RNPS1: variants seen among roughly 807,000 people sequenced by gnomAD.
RNPS1 encodes the protein RNA-binding protein with serine-rich domain 1.
For missense variants in RNPS1, 300 were observed against 427.6 expected, an observed-to-expected ratio of 0.70 and a Z score of 2.63; for synonymous variants, 147 against 150.0, an observed-to-expected ratio of 0.98 and a Z score of 0.15.
At chr16:2,262,484 G>C in intron 5 of RNPS1, 53 bp from the exon 6 acceptor site, 1 of 1,594,076 alleles carries the variant, frequency 6.3e-7, no homozygotes, top group African/African-American at 1.3e-5. Context: ...AGTCACGTCA[G>C]ACGCAGAGAG....
chr16:2,254,032 G>A lies in RNPS1; in HGVS notation c.850C>T (p.Arg284Cys), dbSNP rs771772827. The stretch of plus-strand genomic sequence containing the variant: ...CGGCCCGGGGACCGTGATCTCCGGC[G>A]CACGGGGGACCTGCGCCTCGGGGAG... ...SRSPRRRSPVRRRSRSPGRRR... is the reference protein window; with the variant it reads ...SRSPRRRSPVCRRSRSPGRRR... The change falls in exon 8 of 8, where the codon CGC becomes TGC. Residue 284 changes from arginine to cysteine, a missense_variant. Coordinates refer to ENST00000320225, the MANE Select transcript of RNPS1 (RefSeq NM_080594.4). 10 of 1,508,728 alleles carry A rather than the reference G, an allele frequency of 6.6e-6. No homozygotes were observed. The highest frequency in any genetic ancestry group is 5.2e-5 in the South Asian group (4 of 77,410). 93.5% of individuals were successfully genotyped at this position (1,508,728 alleles called of 1,614,324 possible).
At chr16:2,254,149 C>T in intron 7 of RNPS1, 86 bp from the exon 8 acceptor site, 1 of 1,007,274 alleles carries the variant, frequency 9.9e-7, no homozygotes, top group South Asian at 1.8e-5. Flanking sequence ...CATAGTTTTA[C>T]TTTTTGAGAT....
Position 2,268,082 on chromosome 16 carries a change from G to A in RNPS1, c.-145C>T, listed in dbSNP as rs1567331569. 9.1e-6 allele frequency: 14 copies of A among 1,535,422 alleles called. No homozygotes were observed. The highest frequency in any genetic ancestry group is 1.2e-5 in the Non-Finnish European group (14 of 1,146,638). On this transcript the variant is annotated 5_prime_UTR_variant, in exon 1 of 8. Transcript: ENST00000320225. Reference sequence around the variant, plus strand: ...CTTCCCGCCGCCGCCACCTCCTCCTGCTTTCCTCAGCCGCCGAGGCCGGCG... The same window carrying A: ...CTTCCCGCCGCCGCCACCTCCTCCTACTTTCCTCAGCCGCCGAGGCCGGCG...
At chr16:2,263,959 G>A (rs952129658) in intron 3 of RNPS1, 26 of 515,650 alleles carry the variant, frequency 5.0e-5, no homozygotes, top group Middle Eastern at 1.0e-3. Flanking sequence ...TGAACTCCAG[G>A]CCCCAAGCAA....
intron 7 of RNPS1, among the ~76,000 whole-genome samples, chr16:2,254,460 ATTTTG>A (rs1212716731): frequency 1.3e-5 from 2 of 151,848 alleles, no homozygotes; most frequent in African/African-American, 4.8e-5. Flanking sequence ...CGCACAGCTA[ATTTTG>A]TTTTGTTTTT....
intron 1 of RNPS1, chr16:2,267,401 C>A: frequency 1.0e-6 from 1 of 983,498 alleles, no homozygotes; most frequent in African/African-American, 1.7e-5. Context: ...ACAAACTTAA[C>A]CTTCCCGTAT....
intron 5 of RNPS1, 116 bp from the exon 6 acceptor site, chr16:2,262,547 G>T: frequency 8.8e-7 from 1 of 1,135,642 alleles, no homozygotes; most frequent in Non-Finnish European, 1.3e-6. Flanking sequence ...CATCTGATGA[G>T]TACCAGTGTT....
intron 6 of RNPS1, 66 bp downstream of exon 6, chr16:2,262,212 C>T: frequency 6.7e-7 from 1 of 1,488,302 alleles, no homozygotes; most frequent in Non-Finnish European, 9.2e-7. Context: ...AGTTGGAAAT[C>T]AGTTTGAAAG....
intron 6 of RNPS1, among the ~76,000 whole-genome samples, chr16:2,259,884 G>A (rs1220405555): frequency 4.6e-5 from 7 of 152,018 alleles, no homozygotes; most frequent in Non-Finnish European, 1.0e-4. Flanking sequence ...GCGAGACTCC[G>A]TCTCAAAAAA....
intron 6 of RNPS1, chr16:2,257,842 G>C (rs972384185): frequency 6.6e-6 from 1 of 152,272 alleles, no homozygotes; most frequent in African/African-American, 2.4e-5. Context: ...TATACAGTTT[G>C]TAACAGGGCC....
chr16:2,264,022 T>G (rs147184621), intron 3 of RNPS1, 154 bp downstream of exon 3: 1 of 888,598 alleles, frequency 1.1e-6, no homozygotes, highest in Non-Finnish European at 1.7e-6. Flanking sequence ...GAGCCACCAC[T>G]GCACCTAGCC....
chr16:2,261,674 A>G (rs2093603595), intron 6 of RNPS1, among the ~76,000 whole-genome samples: 2 of 152,232 alleles, frequency 1.3e-5, no homozygotes, highest in African/African-American at 4.8e-5. Flanking sequence ...AAGCCCACCA[A>G]AAGTTTAGCT....
At chr16:2,255,995 G>T in intron 6 of RNPS1, 1 of 413,508 alleles carries the variant, frequency 2.4e-6, no homozygotes, top group Admixed American at 4.1e-5. Context: ...CGAGGTGGCG[G>T]GCGCCTATAG....
intron 1 of RNPS1, 52 bp downstream of exon 1, chr16:2,268,003 C>G (rs1165916367): frequency 1.3e-6 from 2 of 1,533,584 alleles, no homozygotes; most frequent in African/African-American, 2.7e-5. Flanking sequence ...CCTGCCGGGC[C>G]TGCCGGGCAG....
At chr16:2,255,380 T>C (rs919960012) in intron 7 of RNPS1, among the ~76,000 whole-genome samples, 1 of 152,204 alleles carries the variant, frequency 6.6e-6, no homozygotes, top group Non-Finnish European at 1.5e-5. Flanking sequence ...GAAAGCTGTG[T>C]TGGTGCAACT....
At chr16:2,261,862 C>T (rs1311200918) in intron 6 of RNPS1, among the ~76,000 whole-genome samples, 1 of 152,186 alleles carries the variant, frequency 6.6e-6, no homozygotes, top group Non-Finnish European at 1.5e-5. Flanking sequence ...TTTACTGAGG[C>T]TCCAGAGGAA....
intron 6 of RNPS1, among the ~76,000 whole-genome samples, chr16:2,261,091 C>T (rs559249780): frequency 4.0e-5 from 6 of 151,542 alleles, no homozygotes; most frequent in Non-Finnish European, 8.8e-5. Flanking sequence ...GGTGGTGCTA[C>T]TGCACTCCAG....
At chr16:2,262,684 G>A (rs2093607930) in intron 5 of RNPS1, 56 bp downstream of exon 5, 5 of 1,461,760 alleles carry the variant, frequency 3.4e-6, no homozygotes, top group Middle Eastern at 2.4e-4. Context: ...TCATCTGCAG[G>A]CACAGGCCTG....
intron 6 of RNPS1, chr16:2,256,609 G>C: frequency 6.6e-6 from 1 of 152,352 alleles, no homozygotes; most frequent in East Asian, 1.9e-4. Flanking sequence ...AGGTGGAAGA[G>C]AAGGGCTATG....
Sources: allele counts gnomAD v4.1 joint callset (sites outside exome capture counted in the v4.1 genomes callset), GRCh38; gene constraint gnomAD v4.1.1; transcripts MANE v1.5; gene names NCBI Gene and HGNC (gene_info 2026-07-23, HGNC 2026-07-21).